Variants in MYORG observed in about 807,000 individuals in gnomAD.
The protein encoded by MYORG is alpha-galactosidase MYORG.
Under a neutral mutation model 49.8 loss-of-function variants are expected in MYORG, and 45 were observed. The observed-to-expected ratio is 0.90, with a 90% CI of 0.71 to 1.16. MYORG has a LOEUF of 1.16. Ranked by LOEUF, MYORG falls within the 50% of genes most tolerant of loss-of-function variation. The pLI is 0.00. For missense variants in MYORG, 1,110 were observed against 1,026.5 expected, an observed-to-expected ratio of 1.08 and a Z score of -1.11; for synonymous variants, 552 against 462.9, an observed-to-expected ratio of 1.19 and a Z score of -2.47.
rs899954736 is a variant in MYORG at position 34,371,508 on chromosome 9, G to A, written c.1436C>T (p.Pro479Leu). ...YLPRDFSTYR[P>L]LPDPSVWSRR... ...GCTCCAGACGCTGGGGTCCGGCAGC[G>A]GCCGGTAGGTGCTGAAGTCCCGCGG... is the stretch of plus-strand genomic sequence containing the variant. The change falls in exon 2 of 2, where the codon CCG becomes CTG. Residue 479 changes from proline to leucine, a missense_variant. Physicochemically the swap from Pro to Leu is moderately conservative, Grantham distance 98. Transcript: ENST00000297625. The A allele has an allele frequency of 3.1e-6, 5 of 1,609,772 alleles. No homozygotes were observed. The highest frequency in any genetic ancestry group is 4.2e-6 in the Non-Finnish European group (5 of 1,179,602).
At position 34,372,446 on chromosome 9, in the gene MYORG, T is replaced by G. The variant is rs1055309037; in HGVS notation, c.498A>C (p.Ala166=). 9 of 1,583,926 alleles carry G rather than the reference T, an allele frequency of 5.7e-6. No individual in the cohort carries two copies. Among genetic ancestry groups the G allele is most frequent in the Non-Finnish European group, 6.0e-6 (7 of 1,166,296 alleles). ...VMCYRVRWEE[A]APGRAVEHAM... ...CGTGCTCCACGGCCCGGCCCGGCGC[T>G]GCCTCCTCCCAGCGCACGCGGTAGC... Residue 166 remains alanine (A), a synonymous_variant, in exon 2 of 2, where the codon GCA becomes GCC. Transcript: ENST00000297625.
chr9:34,373,020 A>T lies in MYORG; in HGVS notation c.-63-14T>A. On this transcript the variant is annotated splice_polypyrimidine_tract_variant and intron_variant, in intron 1 of 1. Transcript: ENST00000297625. The stretch of plus-strand genomic sequence containing the variant: ...TCTCAACCTGCTCTGAAAGGAGGAG[A>T]CAGAGATGGAACTGAGCTATCTCAT... 2.0e-6 allele frequency: 3 copies of T among 1,506,416 alleles called. No homozygotes were observed. Among genetic ancestry groups the T allele is most frequent in the Non-Finnish European group, 2.7e-6 (3 of 1,104,992 alleles). The allele number at this position is 1,506,416 out of a possible 1,614,324, so 93.3% of individuals were successfully genotyped here. A position where few individuals can be genotyped will look rare whatever the true frequency, so the allele number is the denominator to read the frequency against.
Position 34,372,894 on chromosome 9 carries a change from CGGCGGCGGCG to C in MYORG, c.40_49del (p.Arg14GlyfsTer38). ...CTGACGGTATGCGTAGCAGCCAGGC[CGGCGGCGGCG>C]GGGGTAGGCCTGGCTCTTCTCCTGA... On this transcript the variant is annotated frameshift_variant, in exon 2 of 2. Coordinates refer to ENST00000297625, the MANE Select transcript of MYORG (RefSeq NM_020702.5). LOFTEE classifies it high-confidence loss of function. 1 of 1,608,994 alleles carries C rather than the reference CGGCGGCGGCG, an allele frequency of 6.2e-7. No individual in the cohort carries two copies. Among genetic ancestry groups the C allele is most frequent in the Non-Finnish European group, 8.5e-7 (1 of 1,175,968 alleles).
chr9:34,371,986 T>C lies in MYORG; in HGVS notation c.958A>G (p.Thr320Ala), dbSNP rs770847313. ...ACGGCGCGCCCGTACAGCGCCCATG[T>C]GGACCAAATGGGGTCTCGGAAGGCC... ...PEAFRDPIWS[T>A]WALYGRAVDQ... The change falls in exon 2 of 2, where the codon ACA (threonine) becomes GCA (alanine). Residue 320 changes from threonine (T) to alanine (A), a missense_variant. Transcript: ENST00000297625. 1 of 1,614,020 alleles carries C rather than the reference T, an allele frequency of 6.2e-7. No individual in the cohort carries two copies. The highest frequency in any genetic ancestry group is 1.7e-5 in the Admixed American group (1 of 60,032).
chr9:34,376,364 C>T lies in MYORG; in HGVS notation c.-64+429G>A, dbSNP rs915284336. 1.3e-5 allele frequency among the ~76,000 whole-genome samples: 2 copies of T among 152,250 alleles called. No individual in the cohort carries two copies. Among genetic ancestry groups the T allele is most frequent in the Non-Finnish European group, 1.5e-5 (1 of 68,046 alleles). ...CTGCTGAGCCTCTCCCCACCGGACA[C>T]TCAACCTCAGCCTTGGCTGCCACAG... On this transcript the variant is annotated intron_variant, in intron 1 of 1. Coordinates refer to ENST00000297625, the MANE Select transcript of MYORG (RefSeq NM_020702.5). The surrounding 1 kb of genome is among the most constrained non-coding windows in gnomAD (Gnocchi z 4.4).
rs1045721641 is a variant in MYORG at position 34,376,125 on chromosome 9, T to C, written c.-64+668A>G. ...GCTGGTGGGACCAGCTTCCATCAGA[T>C]GGACATGGCATGGTGAGGCCTGTCT... On this transcript the variant is annotated intron_variant, in intron 1 of 1. Coordinates refer to ENST00000297625, the MANE Select transcript of MYORG (RefSeq NM_020702.5). This position sits in a 1 kb window ranked among gnomAD's most constrained non-coding sequence, Gnocchi z 4.4. 3.3e-5 allele frequency among the ~76,000 whole-genome samples: 5 copies of C among 152,244 alleles called. No homozygotes were observed. The highest frequency in any genetic ancestry group is 2.0e-4 in the Admixed American group (3 of 15,276).
At position 34,371,517 on chromosome 9, in the gene MYORG, G is replaced by C. The variant is rs769099047; in HGVS notation, c.1427C>G (p.Thr476Ser). The C allele has an allele frequency of 1.2e-6, 2 of 1,609,198 alleles. No individual in the cohort carries two copies. The highest frequency in any genetic ancestry group is 2.2e-5 in the South Asian group (2 of 90,992). Residue 476 changes from threonine to serine, a missense_variant, in exon 2 of 2, where the codon ACC becomes AGC. Thr to Ser is a moderately conservative substitution (Grantham distance 58). Coordinates refer to ENST00000297625, the MANE Select transcript of MYORG (RefSeq NM_020702.5). ...EVSYLPRDFS[T>S]YRPLPDPSVW... The stretch of plus-strand genomic sequence containing the variant: ...GCTGGGGTCCGGCAGCGGCCGGTAG[G>C]TGCTGAAGTCCCGCGGCAGGTAGCT...
rs904742989 is a variant in MYORG at position 34,372,022 on chromosome 9, G to A, written c.922C>T (p.Pro308Ser). The A allele has an allele frequency of 3.1e-6, 5 of 1,614,032 alleles. No homozygotes were observed. The highest frequency in any genetic ancestry group is 4.2e-6 in the Non-Finnish European group (5 of 1,179,894). Residue 308 changes from proline (P) to serine (S), a missense_variant, in exon 2 of 2, where the codon CCA (proline) becomes TCA (serine). Pro to Ser is a moderately conservative substitution (Grantham distance 74). Transcript: ENST00000297625. ...RRYFNKPSRVPAPEAFRDPIW... is the reference protein window; with the variant it reads ...RRYFNKPSRVSAPEAFRDPIW... The stretch of plus-strand genomic sequence containing the variant: ...GGGTCTCGGAAGGCCTCGGGTGCTG[G>A]CACCCTTGACGGCTTGTTGAAGTAG...
At position 34,371,887 on chromosome 9, in the gene MYORG, C is replaced by T. The variant is rs760475705; in HGVS notation, c.1057G>A (p.Asp353Asn). The change falls in exon 2 of 2, where the codon GAC becomes AAC. Residue 353 changes from aspartate (D) to asparagine (N), a missense_variant. Asp to Asn is a conservative substitution (Grantham distance 23, BLOSUM62 1). Transcript: ENST00000297625. ...CCATAAGCAGGTGTGTACATGTCGT[C>T]GATTTCCAGGTGGCTGCTGTTGAAG... is the stretch of plus-strand genomic sequence containing the variant. Reference protein sequence around the residue: ...HHFNSSHLEIDDMYTPAYGDF... With the variant: ...HHFNSSHLEINDMYTPAYGDF... The T allele has an allele frequency of 2.5e-6, 4 of 1,614,052 alleles. No homozygotes were observed. In the South Asian group the frequency reaches 4.4e-5, roughly 18 times the overall value.
At position 34,372,374 on chromosome 9, in the gene MYORG, C is replaced by T; in HGVS notation, c.570G>A (p.Glu190=). ...GGATGGGCCAGTGTTGCGTCCTCAT[C>T]TCGGCGCCACCATACCAGTGGGCCG... ...DAAAHWYGGA[E]MRTQHWPIRL... is the part of the protein sequence containing the mutation. Residue 190 remains glutamate, a synonymous_variant, in exon 2 of 2, where the codon GAG becomes GAA. Transcript: ENST00000297625. 1.9e-6 allele frequency: 3 copies of T among 1,590,904 alleles called. No individual in the cohort carries two copies. Among genetic ancestry groups the T allele is most frequent in the Non-Finnish European group, 2.6e-6 (3 of 1,170,174 alleles).
chr9:34,371,739 A>C lies in MYORG; in HGVS notation c.1205T>G (p.Phe402Cys). 1.9e-6 allele frequency: 3 copies of C among 1,612,982 alleles called. No individual in the cohort carries two copies. The highest frequency in any genetic ancestry group is 1.1e-5 in the South Asian group (1 of 91,002). Residue 402 changes from phenylalanine to cysteine, a missense_variant, in exon 2 of 2, where the codon TTC (phenylalanine) becomes TGC (cysteine). Coordinates refer to ENST00000297625, the MANE Select transcript of MYORG (RefSeq NM_020702.5). ...CAGCTCGCGCTCCACGCCCTCGCCG[A>C]AGCGCGACGAGTTGTAGTTGACAAA... is the stretch of plus-strand genomic sequence containing the variant. ...HPFVNYNSSR[F>C]GEGVERELFV... is the part of the protein sequence containing the mutation.
chr9:34,373,550 T>C (rs2131883007), intron 1 of MYORG, among the ~76,000 whole-genome samples: 1 of 152,200 alleles, frequency 6.6e-6, no homozygotes, highest in African/African-American at 2.4e-5. Flanking sequence ...CCTCTTGGGT[T>C]CAAGCGGGTC....
chr9:34,371,614 A>C lies in MYORG; in HGVS notation c.1330T>G (p.Phe444Val), dbSNP rs1330944731. 2 of 1,606,102 alleles carry C rather than the reference A, an allele frequency of 1.2e-6. No individual in the cohort carries two copies. The highest frequency in any genetic ancestry group is 4.5e-5 in the East Asian group (2 of 44,710). ...DFTHPKARDW[F>V]QGHLRRLRSR... Reference sequence around the variant, plus strand: ...CGCAGCCGCCGCAGGTGTCCCTGGAACCAGTCGCGGGCCTTTGGGTGCGTG... The same window carrying C: ...CGCAGCCGCCGCAGGTGTCCCTGGACCCAGTCGCGGGCCTTTGGGTGCGTG... The change falls in exon 2 of 2, where the codon TTC (phenylalanine) becomes GTC (valine). Residue 444 changes from phenylalanine to valine, a missense_variant. Phe to Val is a conservative substitution (Grantham distance 50). Transcript: ENST00000297625.
In MYORG at chr9:34,371,801, G is replaced by A. The variant is rs1184684229; in HGVS notation, c.1143C>T (p.Arg381=). 1 of 1,613,868 alleles carries A rather than the reference G, an allele frequency of 6.2e-7. No homozygotes were observed. The highest frequency in any genetic ancestry group is 8.5e-7 in the Non-Finnish European group (1 of 1,179,844). Residue 381 remains arginine (R), a synonymous_variant, in exon 2 of 2, where the codon CGC becomes CGT. Coordinates refer to ENST00000297625, the MANE Select transcript of MYORG (RefSeq NM_020702.5). ...PNASDMFRRL[R]DAGFRVTLWV... The stretch of plus-strand genomic sequence containing the variant: ...AGAGCGTGACGCGGAAGCCGGCGTC[G>A]CGCAGGCGGCGGAACATGTCGCTGG...
In MYORG at chr9:34,368,529, C is replaced by G. The variant is rs966942389; in HGVS notation, c.*2270G>C. On this transcript the variant is annotated 3_prime_UTR_variant, in exon 2 of 2. Coordinates refer to ENST00000297625, the MANE Select transcript of MYORG (RefSeq NM_020702.5). ...GCCAGATACCCTAAATCATCTCCCTCGAGTTCAAAGTTCCACAAATCTCTA... is the reference window on the plus strand; with the variant it reads ...GCCAGATACCCTAAATCATCTCCCTGGAGTTCAAAGTTCCACAAATCTCTA... 1 of 152,296 alleles carries G rather than the reference C, an allele frequency of 6.6e-6. No homozygotes were observed. The highest frequency in any genetic ancestry group is 2.1e-4 in the South Asian group (1 of 4,836). 9.4% of individuals were successfully genotyped at this position (152,296 alleles called of 1,614,324 possible).
At position 34,368,446 on chromosome 9, in the gene MYORG, T is replaced by C. The variant is rs930835415; in HGVS notation, c.*2353A>G. ...AGTCTGTTTCCCTTTTAAAACTGAA[T>C]GCTTTTAACAGCACCCAAGTCACCT... On this transcript the variant is annotated 3_prime_UTR_variant, in exon 2 of 2. Coordinates refer to ENST00000297625, the MANE Select transcript of MYORG (RefSeq NM_020702.5). 1.3e-5 allele frequency: 2 copies of C among 152,300 alleles called. No homozygotes were observed. The highest frequency in any genetic ancestry group is 2.9e-5 in the Non-Finnish European group (2 of 68,098). The allele number at this position is 152,300 out of a possible 1,614,324, so 9.4% of individuals were successfully genotyped here.
chr9:34,373,957 G>A (rs924313161), intron 1 of MYORG, among the ~76,000 whole-genome samples: 14 of 152,224 alleles, frequency 9.2e-5, no homozygotes, highest in Non-Finnish European at 2.1e-4. Context: ...CAGACATTAG[G>A]GCCTGGGGCA....
At position 34,369,370 on chromosome 9, in the gene MYORG, G is replaced by T. The variant is rs1040825043; in HGVS notation, c.*1429C>A. 3.3e-5 allele frequency: 5 copies of T among 152,136 alleles called. No homozygotes were observed. Among genetic ancestry groups the T allele is most frequent in the African/African-American group, 1.2e-4 (5 of 41,408 alleles). 9.4% of individuals were successfully genotyped at this position (152,136 alleles called of 1,614,324 possible). ...TGCAAAGTCAGAAAAAACTCACTCC[G>T]GCTGAGGTTGCTCTTCTTAGAAAGA... On this transcript the variant is annotated 3_prime_UTR_variant, in exon 2 of 2. Coordinates refer to ENST00000297625, the MANE Select transcript of MYORG (RefSeq NM_020702.5).
Position 34,372,088 on chromosome 9 carries a change from C to CCA in MYORG, c.854_855dup (p.Gly286TrpfsTer149), listed in dbSNP as rs1820616599. Reference sequence around the variant, plus strand: ...TTGTGGATGGAGGTGACGTCTGAGCCCACGCACACTCGGTAGCTCAGCTCT... The same window carrying CCA: ...TTGTGGATGGAGGTGACGTCTGAGCCCACACGCACACTCGGTAGCTCAGCTCT... On this transcript the variant is annotated frameshift_variant, in exon 2 of 2. Coordinates refer to ENST00000297625, the MANE Select transcript of MYORG (RefSeq NM_020702.5). LOFTEE classifies it high-confidence loss of function. The CCA allele has an allele frequency of 2.5e-6, 4 of 1,613,360 alleles. No homozygotes were observed. The highest frequency in any genetic ancestry group is 3.3e-5 in the Admixed American group (2 of 60,008).
Sources: allele counts gnomAD v4.1 joint callset (sites outside exome capture counted in the v4.1 genomes callset), GRCh38; gene constraint gnomAD v4.1.1; non-coding constraint Gnocchi (gnomAD v3.1); transcripts MANE v1.5; gene names NCBI Gene and HGNC (gene_info 2026-07-23, HGNC 2026-07-21).